CCSER1: variants seen among roughly 807,000 people sequenced by gnomAD.
CCSER1 encodes the protein serine-rich coiled-coil domain-containing protein 1.
CCSER1 carries 41 observed loss-of-function variants against 82.0 expected under a neutral mutation model. The ratio of observed to expected loss-of-function variants is 0.50; its 90% CI spans 0.39 to 0.65. CCSER1 has a LOEUF of 0.65. Among genes scored for constraint, CCSER1 ranks in the 30% least tolerant of loss-of-function variants. CCSER1 has a pLI of 0.00. For missense variants in CCSER1, 1,119 were observed against 1,064.2 expected (o/e 1.05, Z -0.72); for synonymous variants, 414 against 383.9 (o/e 1.08, Z -0.92).
At chr4:90,808,041 A>C (rs1424832640) in intron 7 of CCSER1, among the ~76,000 whole-genome samples, 5 of 152,260 alleles carry the variant, frequency 3.3e-5, no homozygotes, top group Non-Finnish European at 7.3e-5. Flanking sequence ...GTATAAAAGT[A>C]GATACATAGA....
At chr4:91,092,376 C>A (rs1175161415) in intron 10 of CCSER1, among the ~76,000 whole-genome samples, 1 of 152,132 alleles carries the variant, frequency 6.6e-6, no homozygotes, top group Non-Finnish European at 1.5e-5. Flanking sequence ...CTCTACCCAC[C>A]CAGAGTAAGT....
At chr4:91,158,622 G>C (rs889924107) in intron 10 of CCSER1, among the ~76,000 whole-genome samples, 35 of 79,342 alleles carry the variant, frequency 4.4e-4, no homozygotes, top group Non-Finnish European at 6.9e-4. Flanking sequence ...CTCTCTTTCT[G>C]TGTGTGTGTG....
intron 1 of CCSER1, among the ~76,000 whole-genome samples, chr4:90,228,344 C>T (rs1306261870): frequency 6.6e-6 from 1 of 152,194 alleles, no homozygotes; most frequent in Non-Finnish European, 1.5e-5. Context: ...AACTGGGAGG[C>T]ACCCCCCAGC....
intron 9 of CCSER1, among the ~76,000 whole-genome samples, chr4:91,035,761 C>T (rs1238262208): frequency 1.4e-4 from 22 of 152,084 alleles, no homozygotes; most frequent in Admixed American, 1.2e-3. Flanking sequence ...GGCTGAGAAG[C>T]GATCCAACTC....
In CCSER1 at chr4:90,652,106, C is replaced by T. The variant is rs187212301; in HGVS notation, c.1932+23874C>T. ...ATTTATTGAGTAAAATATCAGACCC[C>T]TCACAGTTATTTTCAAATTTAATAT... On this transcript the variant is annotated intron_variant, in intron 6 of 10. Transcript: ENST00000509176. Among the ~76,000 whole-genome samples the T allele has an allele frequency of 2.6e-5, 4 of 152,198 alleles. No homozygotes were observed. The East Asian group carries it at 5.8e-4, about 22-fold the overall frequency.
At chr4:91,151,380 C>T (rs1286803086) in intron 10 of CCSER1, among the ~76,000 whole-genome samples, 1 of 152,036 alleles carries the variant, frequency 6.6e-6, no homozygotes, top group Non-Finnish European at 1.5e-5. Context: ...ATTAGTCTTG[C>T]TAGTGGCCTA....
intron 10 of CCSER1, among the ~76,000 whole-genome samples, chr4:91,281,712 A>T (rs1243170447): frequency 6.6e-6 from 1 of 152,216 alleles, no homozygotes; most frequent in Admixed American, 6.5e-5. Context: ...TTATCTCAAC[A>T]ACTTGAAGTT....
intron 9 of CCSER1, among the ~76,000 whole-genome samples, chr4:90,990,757 G>C (rs1476530647): frequency 6.6e-6 from 1 of 151,838 alleles, no homozygotes; most frequent in Non-Finnish European, 1.5e-5. Flanking sequence ...CTGTTTATCT[G>C]TGAAAAATGA....
At chr4:91,038,330 T>G (rs1008950650) in intron 9 of CCSER1, among the ~76,000 whole-genome samples, 5 of 151,928 alleles carry the variant, frequency 3.3e-5, no homozygotes, top group Admixed American at 1.3e-4. Flanking sequence ...GACACAATGT[T>G]TCCTAAAGTG....
chr4:90,790,267 T>C (rs888208453), intron 7 of CCSER1, among the ~76,000 whole-genome samples: 3 of 152,210 alleles, frequency 2.0e-5, no homozygotes, highest in Non-Finnish European at 2.9e-5. Context: ...GTAAACTGCA[T>C]AAATTTAAAT....
chr4:91,466,311 T>C lies in CCSER1; in HGVS notation c.2218-132261T>C, dbSNP rs984364633. Among the ~76,000 whole-genome samples the C allele has an allele frequency of 3.9e-5, 6 of 152,280 alleles. No individual in the cohort carries two copies. In the East Asian group the frequency reaches 9.7e-4, roughly 24 times the overall value. ...TTTGACAAAATTCAACAGCCCTTCA[T>C]GCTAAAAACTCTCAATAAATTAGGT... On this transcript the variant is annotated intron_variant, in intron 10 of 10. Coordinates refer to ENST00000509176, the MANE Select transcript of CCSER1 (RefSeq NM_001145065.2).
chr4:90,395,353 T>A, intron 3 of CCSER1, among the ~76,000 whole-genome samples: 1 of 152,382 alleles, frequency 6.6e-6, no homozygotes, highest in African/African-American at 2.4e-5. Flanking sequence ...AATGTATTAA[T>A]GCTAGGCATT....
intron 5 of CCSER1, among the ~76,000 whole-genome samples, chr4:90,526,191 T>C (rs1355132716): frequency 6.6e-6 from 1 of 152,190 alleles, no homozygotes; most frequent in Non-Finnish European, 1.5e-5. Context: ...TCAGATTCTC[T>C]CTACTTGTAA....
At chr4:91,421,523 A>G (rs758202173) in intron 10 of CCSER1, among the ~76,000 whole-genome samples, 2 of 152,140 alleles carry the variant, frequency 1.3e-5, no homozygotes, top group Non-Finnish European at 2.9e-5. Context: ...TGTTATATGG[A>G]GGCGTATCTT....
intron 4 of CCSER1, among the ~76,000 whole-genome samples, chr4:90,433,582 T>C (rs1758600278): frequency 6.6e-6 from 1 of 152,046 alleles, no homozygotes; most frequent in Non-Finnish European, 1.5e-5. Context: ...AATCTTAGCA[T>C]AGTGACTCAC....
chr4:90,972,201 T>A (rs966309322), intron 9 of CCSER1, among the ~76,000 whole-genome samples: 3 of 151,686 alleles, frequency 2.0e-5, no homozygotes, highest in Non-Finnish European at 2.9e-5. Flanking sequence ...ATTGTCTCTG[T>A]TTGCAGATCA....
intron 3 of CCSER1, among the ~76,000 whole-genome samples, chr4:90,398,938 C>T (rs1250561803): frequency 2.0e-5 from 3 of 152,108 alleles, no homozygotes; most frequent in East Asian, 3.9e-4. Flanking sequence ...AAAGTGTTCA[C>T]TGTCTATTTG....
chr4:90,794,624 C>T (rs1004951277), intron 7 of CCSER1, among the ~76,000 whole-genome samples: 21 of 151,948 alleles, frequency 1.4e-4, no homozygotes, highest in Non-Finnish European at 2.9e-4. Context: ...TTTTTGCTTA[C>T]AATTGCCTTT....
chr4:91,512,920 T>C (rs1759905529), intron 10 of CCSER1, among the ~76,000 whole-genome samples: 1 of 152,164 alleles, frequency 6.6e-6, no homozygotes, highest in Admixed American at 6.5e-5. Flanking sequence ...GAGAGACAGT[T>C]TGACTTCTTC....
Sources: allele counts gnomAD v4.1 joint callset (sites outside exome capture counted in the v4.1 genomes callset), GRCh38; gene constraint gnomAD v4.1.1; transcripts MANE v1.5; gene names NCBI Gene and HGNC (gene_info 2026-07-23, HGNC 2026-07-21).